The following ARHGAP15 variants were observed in gnomAD, a reference collection of about 807,000 sequenced individuals.
The protein encoded by ARHGAP15 is rho GTPase-activating protein 15.
ARHGAP15 carries 51 observed loss-of-function variants against 63.7 expected under a neutral mutation model. The observed-to-expected ratio is 0.80, with a 90% CI of 0.64 to 1.01. The LOEUF (loss-of-function observed/expected upper bound fraction) is 1.01, where lower values mean the gene tolerates loss of function less well. Among genes scored for constraint, ARHGAP15 ranks in the 50% least tolerant of loss-of-function variants. ARHGAP15 has a pLI of 0.00. For missense variants in ARHGAP15, 560 were observed against 564.6 expected (o/e 0.99, Z 0.08); for synonymous variants, 191 against 193.8 (o/e 0.99, Z 0.12).
intron 6 of ARHGAP15, among the ~76,000 whole-genome samples, chr2:143,304,818 A>C (rs1683091155): frequency 6.6e-6 from 1 of 152,158 alleles, no homozygotes; most frequent in South Asian, 2.1e-4. Context: ...TTAAAAAGTC[A>C]GGAAATGACA....
chr2:143,419,396 C>CTG (rs1688819220), intron 6 of ARHGAP15, among the ~76,000 whole-genome samples: 2 of 151,964 alleles, frequency 1.3e-5, no homozygotes, highest in South Asian at 4.1e-4. Context: ...TTCTAACAAT[C>CTG]TCTTCTAAGA....
chr2:143,401,961 G>A (rs762804319), intron 6 of ARHGAP15, among the ~76,000 whole-genome samples: 2 of 151,924 alleles, frequency 1.3e-5, no homozygotes, highest in Non-Finnish European at 2.9e-5. Context: ...AAGGTGCTCT[G>A]AACACTTGTT....
At chr2:143,722,176 C>T (rs533927623) in intron 13 of ARHGAP15, among the ~76,000 whole-genome samples, 1 of 151,130 alleles carries the variant, frequency 6.6e-6, no homozygotes, top group Admixed American at 6.6e-5. Context: ...AAAAGAAACA[C>T]ACACACACAC....
At chr2:143,645,982 A>G (rs887185517) in intron 12 of ARHGAP15, among the ~76,000 whole-genome samples, 31 of 152,086 alleles carry the variant, frequency 2.0e-4, no homozygotes, top group African/African-American at 7.0e-4. Flanking sequence ...CCAGATAGCT[A>G]TTCTGGCAGT....
rs1049983625 is a variant in ARHGAP15, at chr2:143,733,033, C to T, written c.1244+29509C>T. 2.7e-5 allele frequency among the ~76,000 whole-genome samples: 4 copies of T among 150,188 alleles called. No individual in the cohort carries two copies. In the Admixed American group the frequency reaches 2.7e-4, roughly 10 times the overall value. ...AGCCACTGATCTACCCCAGTCATGTCACATGAATATCTCCACTTTCATAAA... is the reference window on the plus strand; with the variant it reads ...AGCCACTGATCTACCCCAGTCATGTTACATGAATATCTCCACTTTCATAAA... On this transcript the variant is annotated intron_variant, in intron 13 of 13. Coordinates refer to ENST00000295095, the MANE Select transcript of ARHGAP15 (RefSeq NM_018460.4).
intron 2 of ARHGAP15, chr2:143,171,972 T>G (rs1467127911): frequency 2.6e-5 from 4 of 151,780 alleles, no homozygotes; most frequent in African/African-American, 9.7e-5. Context: ...AGAATGTAGT[T>G]TTTTTTTTCC....
At chr2:143,224,835 G>T (rs1693142205) in intron 4 of ARHGAP15, among the ~76,000 whole-genome samples, 1 of 152,116 alleles carries the variant, frequency 6.6e-6, no homozygotes, top group South Asian at 2.1e-4. Context: ...AGAACTATGG[G>T]CAACACAATG....
intron 10 of ARHGAP15, among the ~76,000 whole-genome samples, chr2:143,539,978 G>T (rs966032988): frequency 2.6e-5 from 4 of 152,024 alleles, no homozygotes; most frequent in Non-Finnish European, 4.4e-5. Context: ...TTGACAGTGG[G>T]GTGTTAAAAT....
chr2:143,312,527 C>T (rs1001413858), intron 6 of ARHGAP15, among the ~76,000 whole-genome samples: 4 of 151,738 alleles, frequency 2.6e-5, no homozygotes, highest in African/African-American at 9.7e-5. Context: ...TTTGCAGTAA[C>T]GTATGTCATG....
chr2:143,504,782 G>T (rs1693229367), intron 9 of ARHGAP15, among the ~76,000 whole-genome samples: 1 of 152,122 alleles, frequency 6.6e-6, no homozygotes, highest in Non-Finnish European at 1.5e-5. Context: ...CCTTACCTTG[G>T]CTGTGCAGCC....
At chr2:143,749,957 C>A (rs2105524120) in intron 13 of ARHGAP15, among the ~76,000 whole-genome samples, 1 of 152,234 alleles carries the variant, frequency 6.6e-6, no homozygotes, top group Non-Finnish European at 1.5e-5. Flanking sequence ...GCACACCAGG[C>A]TCATCTGTGA....
At position 143,502,419 on chromosome 2, in the gene ARHGAP15, A is replaced by AAAAC. The variant is rs201678936; in HGVS notation, c.826+14943_826+14946dup. Among the ~76,000 whole-genome samples the AAAAC allele has an allele frequency of 7.9e-5, 12 of 152,148 alleles. No homozygotes were observed. In the South Asian group the frequency reaches 1.0e-3, roughly 13 times the overall value. On this transcript the variant is annotated intron_variant, in intron 9 of 13. Transcript: ENST00000295095. ...AGTAAAACTCCCTCTCAAAAAAACA[A>AAAAC]AAACAAACAAACAAACAAACAAGAC...
chr2:143,375,374 G>C (rs1285395223), intron 6 of ARHGAP15, among the ~76,000 whole-genome samples: 1 of 152,102 alleles, frequency 6.6e-6, no homozygotes, highest in East Asian at 1.9e-4. Context: ...ATTCTTTTCT[G>C]TGACTTTTAT....
chr2:143,285,570 C>T (rs997013967), intron 6 of ARHGAP15, among the ~76,000 whole-genome samples: 5 of 152,114 alleles, frequency 3.3e-5, no homozygotes, highest in African/African-American at 1.2e-4. Context: ...TTTTGAATTT[C>T]TTCTGAGTTG....
At chr2:143,756,744 T>C (rs183862568) in intron 13 of ARHGAP15, among the ~76,000 whole-genome samples, 1 of 152,322 alleles carries the variant, frequency 6.6e-6, no homozygotes, top group Admixed American at 6.5e-5. Flanking sequence ...TGTGTGAATA[T>C]GGAAAAAAGG....
intron 6 of ARHGAP15, among the ~76,000 whole-genome samples, chr2:143,308,506 A>T (rs149631979): frequency 6.8e-6 from 1 of 146,948 alleles, no homozygotes; most frequent in African/African-American, 2.5e-5. Context: ...ACACACACAC[A>T]CTACACAATA....
At chr2:143,450,576 A>T (rs1025335521) in intron 8 of ARHGAP15, among the ~76,000 whole-genome samples, 2 of 151,904 alleles carry the variant, frequency 1.3e-5, no homozygotes, top group Admixed American at 6.6e-5. Flanking sequence ...TAATTCTTTA[A>T]CACAGTTTGG....
rs767609688 is a variant in ARHGAP15 at position 143,250,441 on chromosome 2, ACTC to A, written c.385-67_385-65del. ...ATATGTATAGCTGCTAACTCAATAA[ACTC>A]CTATTTCTCTGACATCTATCTACAG... On this transcript the variant is annotated intron_variant, in intron 5 of 13. Transcript: ENST00000295095. 1.1e-4 allele frequency: 135 copies of A among 1,207,612 alleles called. 3 individuals are homozygous for A. Among genetic ancestry groups the A allele is most frequent in the South Asian group, 8.7e-4 (68 of 78,106 alleles). 74.8% of individuals were successfully genotyped at this position (1,207,612 alleles called of 1,614,324 possible).
chr2:143,318,644 C>T (rs186088525), intron 6 of ARHGAP15, among the ~76,000 whole-genome samples: 2 of 148,280 alleles, frequency 1.3e-5, no homozygotes, highest in Admixed American at 6.9e-5. Context: ...TTCATTGCTT[C>T]CTATTTCTGA....
Sources: allele counts gnomAD v4.1 joint callset (sites outside exome capture counted in the v4.1 genomes callset), GRCh38; gene constraint gnomAD v4.1.1; transcripts MANE v1.5; gene names NCBI Gene and HGNC (gene_info 2026-07-23, HGNC 2026-07-21).